The following FHIT variants were observed in gnomAD, a reference collection of about 807,000 sequenced individuals.
The protein encoded by FHIT is fragile histidine triad diadenosine triphosphatase, also known as bis(5'-adenosyl)-triphosphatase.
In FHIT, 19 loss-of-function variants were observed where a neutral mutation model predicts 17.9. The ratio of observed to expected loss-of-function variants is 1.06; its 90% CI spans 0.74 to 1.56. FHIT has a LOEUF of 1.56. FHIT is among the 40% of genes most tolerant of loss of function. The pLI is 0.00. For synonymous variants in FHIT, 81 were observed against 69.7 expected (o/e 1.16, Z -0.81); for missense variants, 248 against 189.2 (o/e 1.31, Z -1.82).
At chr3:60,990,849 G>A (rs73836079) in intron 3 of FHIT, among the ~76,000 whole-genome samples, 2,283 of 152,178 alleles carry the variant, frequency 0.015, 57 homozygotes, top group African/African-American at 0.052. Flanking sequence ...AAATATATAA[G>A]GAAATGTCTT....
At chr3:60,088,383 C>T (rs1703589598) in intron 5 of FHIT, among the ~76,000 whole-genome samples, 2 of 152,140 alleles carry the variant, frequency 1.3e-5, no homozygotes, top group African/African-American at 4.8e-5. Flanking sequence ...GTCAGGAGAC[C>T]TCTATTCTAG....
intron 8 of FHIT, among the ~76,000 whole-genome samples, chr3:59,907,648 C>G (rs1704648362): frequency 6.6e-6 from 1 of 152,206 alleles, no homozygotes; most frequent in Non-Finnish European, 1.5e-5. Context: ...TCTACCCTTG[C>G]CTTTTCCCCA....
At chr3:60,770,464 G>A (rs570967191) in intron 4 of FHIT, among the ~76,000 whole-genome samples, 80 of 152,178 alleles carry the variant, frequency 5.3e-4, no homozygotes, top group African/African-American at 9.9e-4. Flanking sequence ...GCAGGCATGC[G>A]GTCTGCCCTC....
chr3:60,099,791 A>G (rs1704115000), intron 5 of FHIT, among the ~76,000 whole-genome samples: 1 of 152,182 alleles, frequency 6.6e-6, no homozygotes, highest in Admixed American at 6.5e-5. Context: ...GTTTATTGGG[A>G]CACAGCTCCA....
At chr3:60,778,674 A>G (rs1700282217) in intron 4 of FHIT, among the ~76,000 whole-genome samples, 1 of 152,202 alleles carries the variant, frequency 6.6e-6, no homozygotes, top group Non-Finnish European at 1.5e-5. Flanking sequence ...GAATTTGGAA[A>G]CTATCTGTGA....
At chr3:60,478,775 T>C (rs2033468163) in intron 5 of FHIT, among the ~76,000 whole-genome samples, 1 of 152,092 alleles carries the variant, frequency 6.6e-6, no homozygotes, top group Non-Finnish European at 1.5e-5. Flanking sequence ...AATGAACAAA[T>C]ACATGAAATA....
At chr3:61,205,379 T>C (rs1168038523) in intron 1 of FHIT, among the ~76,000 whole-genome samples, 1 of 152,148 alleles carries the variant, frequency 6.6e-6, no homozygotes, top group Non-Finnish European at 1.5e-5. Context: ...TAGTTCTAGA[T>C]CCCTGAGGAA....
At chr3:60,394,431 CAACATGCCCAAAATCAAAAGGACTG>C (rs1287565081) in intron 5 of FHIT, among the ~76,000 whole-genome samples, 3 of 152,060 alleles carry the variant, frequency 2.0e-5, no homozygotes, top group South Asian at 2.1e-4. Context: ...AATCTGGGAG[CAACATGCCCAAAATCAAAAGGACTG>C]AACATGCCCA....
intron 3 of FHIT, among the ~76,000 whole-genome samples, chr3:60,930,914 C>T (rs537774824): frequency 3.5e-4 from 54 of 152,300 alleles, no homozygotes; most frequent in South Asian, 2.1e-3. Context: ...CACATGCACA[C>T]GTGTGTTTAT....
At chr3:60,526,977 G>A (rs995196891) in intron 5 of FHIT, among the ~76,000 whole-genome samples, 1 of 152,180 alleles carries the variant, frequency 6.6e-6, no homozygotes, top group Non-Finnish European at 1.5e-5. Context: ...TCCCTTTGCG[G>A]TTTGGGGGCG....
At chr3:60,976,057 C>T (rs1458843483) in intron 3 of FHIT, among the ~76,000 whole-genome samples, 1 of 147,550 alleles carries the variant, frequency 6.8e-6, no homozygotes, top group Non-Finnish European at 1.5e-5. Context: ...TTCAGGATAA[C>T]ACCTCCAAAC....
intron 5 of FHIT, among the ~76,000 whole-genome samples, chr3:60,187,559 T>G (rs1241173573): frequency 6.6e-6 from 1 of 152,126 alleles, no homozygotes; most frequent in African/African-American, 2.4e-5. Context: ...GAGTGGGTGA[T>G]CACTTACAAA....
At chr3:60,658,000 G>C (rs1553690099) in intron 4 of FHIT, among the ~76,000 whole-genome samples, 2 of 152,012 alleles carry the variant, frequency 1.3e-5, no homozygotes, top group African/African-American at 4.8e-5. Flanking sequence ...GTAGTATTAA[G>C]TACATTCATA....
intron 5 of FHIT, among the ~76,000 whole-genome samples, chr3:60,060,042 G>A (rs1702237501): frequency 6.6e-6 from 1 of 151,906 alleles, no homozygotes; most frequent in Non-Finnish European, 1.5e-5. Flanking sequence ...CAGATACATG[G>A]GGGAAAAATG....
Position 60,199,819 on chromosome 3 carries a change from C to T in FHIT, c.104-185667G>A, listed in dbSNP as rs1702814307. Among the ~76,000 whole-genome samples, 4 of 152,192 alleles carry T rather than the reference C, an allele frequency of 2.6e-5. No individual in the cohort carries two copies. In the South Asian group the frequency reaches 8.3e-4, roughly 32 times the overall value. The stretch of plus-strand genomic sequence containing the variant: ...TCTGAGTAGGTAACCTACAATTCTT[C>T]TGTGTTAAGGAGAGAGTAGAGAGAA... On this transcript the variant is annotated intron_variant, in intron 5 of 9. Coordinates refer to ENST00000492590, the MANE Select transcript of FHIT (RefSeq NM_002012.4).
At chr3:60,660,789 T>G (rs1448443069) in intron 4 of FHIT, among the ~76,000 whole-genome samples, 1 of 145,882 alleles carries the variant, frequency 6.9e-6, no homozygotes, top group Non-Finnish European at 1.5e-5. Flanking sequence ...TCTCTTCATG[T>G]TTTTTGCCCA....
chr3:60,508,969 T>C (rs999931779), intron 5 of FHIT, among the ~76,000 whole-genome samples: 2 of 152,168 alleles, frequency 1.3e-5, no homozygotes, highest in African/African-American at 2.4e-5. Context: ...ATCACTGCTT[T>C]AAGATTCCCT....
chr3:60,619,837 A>C (rs2039068159), intron 4 of FHIT, among the ~76,000 whole-genome samples: 1 of 152,178 alleles, frequency 6.6e-6, no homozygotes, highest in South Asian at 2.1e-4. Flanking sequence ...ATTAAAATTG[A>C]AAACGTCTCC....
At chr3:60,171,954 A>G (rs1403289716) in intron 5 of FHIT, among the ~76,000 whole-genome samples, 1 of 152,160 alleles carries the variant, frequency 6.6e-6, no homozygotes, top group Non-Finnish European at 1.5e-5. Context: ...TTGACCCCTC[A>G]GATCATTAAA....
Sources: allele counts gnomAD v4.1 joint callset (sites outside exome capture counted in the v4.1 genomes callset), GRCh38; gene constraint gnomAD v4.1.1; transcripts MANE v1.5; gene names NCBI Gene and HGNC (gene_info 2026-07-23, HGNC 2026-07-21).